ZMIZ1: variants seen among roughly 807,000 people sequenced by gnomAD.
The protein encoded by ZMIZ1 is zinc finger MIZ domain-containing protein 1.
Under a neutral mutation model 113.9 loss-of-function variants are expected in ZMIZ1, and 17 were observed. That is an observed-to-expected ratio of 0.15 (90% confidence interval 0.10 to 0.22). The LOEUF is 0.22. Ranked by LOEUF, ZMIZ1 falls within the 10% of genes least tolerant of loss-of-function variation. The probability of loss-of-function intolerance (pLI) is 1.00; values close to 1 mark genes in which losing one functional copy is unlikely to be tolerated. For synonymous variants in ZMIZ1, 607 were observed against 603.1 expected (o/e 1.01, Z -0.09); for missense variants, 1,059 against 1,477.8 (o/e 0.72, Z 4.65).
chr10:79,310,039 G>A (rs1029110492), intron 23 of ZMIZ1, among the ~76,000 whole-genome samples: 2 of 152,120 alleles, frequency 1.3e-5, no homozygotes, highest in Admixed American at 1.3e-4. Context: ...CCCACAGACA[G>A]CCCAGTTTTC....
At chr10:79,308,981 G>A (rs1443033452) in intron 23 of ZMIZ1, among the ~76,000 whole-genome samples, 1 of 152,158 alleles carries the variant, frequency 6.6e-6, no homozygotes, top group African/African-American at 2.4e-5. Context: ...TCTCTAGATG[G>A]TCCTGTCCTC....
At chr10:79,078,570 CTTTTTTTTT>C (rs34178865) in intron 1 of ZMIZ1, among the ~76,000 whole-genome samples, 7 of 87,812 alleles carry the variant, frequency 8.0e-5, no homozygotes, top group South Asian at 4.6e-4. Context: ...CCACCCCCGA[CTTTTTTTTT>C]TTTTTTTTTT....
chr10:79,257,347 A>G (rs1564557503), intron 7 of ZMIZ1, among the ~76,000 whole-genome samples: 1 of 152,224 alleles, frequency 6.6e-6, no homozygotes, highest in Non-Finnish European at 1.5e-5. Context: ...GGTCTTTTGC[A>G]CCTGGTGCCA....
At chr10:79,203,482 C>T (rs1848183748) in intron 5 of ZMIZ1, among the ~76,000 whole-genome samples, 1 of 152,144 alleles carries the variant, frequency 6.6e-6, no homozygotes, top group African/African-American at 2.4e-5. Flanking sequence ...TCTTTCCTAG[C>T]TCTACCTTTC....
At chr10:79,213,500 C>A (rs933355087) in intron 6 of ZMIZ1, among the ~76,000 whole-genome samples, 3 of 152,206 alleles carry the variant, frequency 2.0e-5, no homozygotes, top group Non-Finnish European at 4.4e-5. Context: ...TGGTGACAAG[C>A]AGAGACTCCC....
At chr10:79,232,773 GC>G in intron 7 of ZMIZ1, among the ~76,000 whole-genome samples, 1 of 152,262 alleles carries the variant, frequency 6.6e-6, no homozygotes, top group African/African-American at 2.4e-5. Flanking sequence ...ATATTAAGGT[GC>G]AGGTGCGGAA....
chr10:79,311,732 C>T (rs1298691746), intron 24 of ZMIZ1, among the ~76,000 whole-genome samples: 1 of 152,070 alleles, frequency 6.6e-6, no homozygotes, highest in Non-Finnish European at 1.5e-5. Flanking sequence ...GGCAGCAGGC[C>T]ATCATGGGCA....
At position 79,293,580 on chromosome 10, in the gene ZMIZ1, C is replaced by A. The variant is rs777208977; in HGVS notation, c.1157C>A (p.Pro386His). 6.2e-7 allele frequency: 1 copy of A among 1,613,090 alleles called. No individual in the cohort carries two copies. The highest frequency in any genetic ancestry group is 8.5e-7 in the Non-Finnish European group (1 of 1,180,010). The change falls in exon 12 of 25, where the codon CCC (proline) becomes CAC (histidine). Residue 386 changes from proline to histidine, a missense_variant. By Grantham distance (77) the Pro-to-His change is moderately conservative (BLOSUM62 -2). This residue lies in a region of ZMIZ1 where 239 missense variants were observed against 247.5 expected (regional missense o/e 0.97). Transcript: ENST00000334512. ...TTTGGCACACACGGGCAGCGGATGC[C>A]CCAGCAGACCTACCCGGGCCCCCGG... ...SPFGTHGQRMPQQTYPGPRPQ... is the reference protein window; with the variant it reads ...SPFGTHGQRMHQQTYPGPRPQ...
intron 1 of ZMIZ1, among the ~76,000 whole-genome samples, chr10:79,079,457 A>G (rs192296469): frequency 6.6e-6 from 1 of 152,332 alleles, no homozygotes; most frequent in Admixed American, 6.5e-5. Flanking sequence ...ATGGAGTGGA[A>G]CTGTCATGCT....
At chr10:79,297,117 A>G (rs976414782) in intron 13 of ZMIZ1, among the ~76,000 whole-genome samples, 2 of 152,044 alleles carry the variant, frequency 1.3e-5, no homozygotes, top group Admixed American at 1.3e-4. Flanking sequence ...TTTTACTTTT[A>G]ATGGCTGCCT....
At chr10:79,135,987 G>T (rs548374109) in intron 2 of ZMIZ1, among the ~76,000 whole-genome samples, 3 of 150,664 alleles carry the variant, frequency 2.0e-5, no homozygotes, top group African/African-American at 7.3e-5. Flanking sequence ...TGGGAAGGCC[G>T]CTGGGGCTGA....
At chr10:79,099,106 C>T (rs1843267420) in intron 1 of ZMIZ1, among the ~76,000 whole-genome samples, 2 of 152,180 alleles carry the variant, frequency 1.3e-5, no homozygotes, top group Non-Finnish European at 2.9e-5. Context: ...GCACCCCCTC[C>T]TCGACACCCA....
In ZMIZ1 at chr10:79,305,242, C is replaced by A; in HGVS notation, c.2354+11C>A. 1 of 1,613,660 alleles carries A rather than the reference C, an allele frequency of 6.2e-7. No individual in the cohort carries two copies. Among genetic ancestry groups the A allele is most frequent in the East Asian group, 2.2e-5 (1 of 44,862 alleles). On this transcript the variant is annotated intron_variant, in intron 20 of 24. Coordinates refer to ENST00000334512, the MANE Select transcript of ZMIZ1 (RefSeq NM_020338.4). ...GTGTCCTGTGTGCAAGTGAGTGATGCCCACCCCGGTGGGGGCTTCCCCCAT... is the reference window on the plus strand; with the variant it reads ...GTGTCCTGTGTGCAAGTGAGTGATGACCACCCCGGTGGGGGCTTCCCCCAT...
chr10:79,221,163 G>A (rs1345698069), intron 7 of ZMIZ1, among the ~76,000 whole-genome samples: 2 of 152,230 alleles, frequency 1.3e-5, no homozygotes, highest in African/African-American at 4.8e-5. Context: ...GGAGGGCCAG[G>A]ATGAGATCAT....
intron 4 of ZMIZ1, among the ~76,000 whole-genome samples, chr10:79,199,917 G>A (rs1269784191): frequency 6.6e-6 from 1 of 152,182 alleles, no homozygotes; most frequent in African/African-American, 2.4e-5. Flanking sequence ...AATGGTGTTG[G>A]GTCCCTCAAC....
chr10:79,205,451 C>A (rs1400392729), intron 5 of ZMIZ1, among the ~76,000 whole-genome samples: 3 of 152,192 alleles, frequency 2.0e-5, no homozygotes, highest in African/African-American at 7.2e-5. Flanking sequence ...TTTGGGGTTC[C>A]AGAGGTGAAC....
At position 79,296,845 on chromosome 10, in the gene ZMIZ1, T is replaced by G. The variant is rs931145006; in HGVS notation, c.1413+192T>G. Reference sequence around the variant, plus strand: ...AGAATGTCAGAGTGGCTTTTCTCAGTTCCTATTCTCATTCGTCTCGGATGA... The same window carrying G: ...AGAATGTCAGAGTGGCTTTTCTCAGGTCCTATTCTCATTCGTCTCGGATGA... On this transcript the variant is annotated intron_variant, in intron 13 of 24. Transcript: ENST00000334512. The surrounding 1 kb of genome is among the most constrained non-coding windows in gnomAD (Gnocchi z 4.1). 9.1e-6 allele frequency: 4 copies of G among 441,322 alleles called. No homozygotes were observed. The highest frequency in any genetic ancestry group is 8.2e-5 in the African/African-American group (4 of 48,978). 27.3% of individuals were successfully genotyped at this position (441,322 alleles called of 1,614,324 possible).
chr10:79,230,148 TTC>T (rs1459587078), intron 7 of ZMIZ1, among the ~76,000 whole-genome samples: 1 of 152,014 alleles, frequency 6.6e-6, no homozygotes, highest in Non-Finnish European at 1.5e-5. Flanking sequence ...TTTTGGCTCT[TTC>T]TCTCTCTCCC....
intron 12 of ZMIZ1, chr10:79,294,953 T>A (rs914670372): frequency 9.5e-6 from 1 of 105,300 alleles, no homozygotes; most frequent in Non-Finnish European, 2.0e-5. Flanking sequence ...GGGGGGGGGG[T>A]CAGGGGCTTC....
Sources: allele counts gnomAD v4.1 joint callset (sites outside exome capture counted in the v4.1 genomes callset), GRCh38; gene constraint gnomAD v4.1.1; regional missense constraint gnomAD v4.1.1; non-coding constraint Gnocchi (gnomAD v3.1); transcripts MANE v1.5; gene names NCBI Gene and HGNC (gene_info 2026-07-23, HGNC 2026-07-21).